Variants in HMCN2 observed in about 807,000 individuals in gnomAD.
HMCN2 encodes hemicentin 2.
In HMCN2, 325 loss-of-function variants were observed where a neutral mutation model predicts 377.5. The ratio of observed to expected loss-of-function variants is 0.86; its 90% CI spans 0.79 to 0.94. HMCN2 has a LOEUF of 0.94. HMCN2 is among the 40% of genes least tolerant of loss of function. HMCN2 has a pLI of 0.00. For synonymous variants in HMCN2, 2,007 were observed against 2,046.8 expected (o/e 0.98, Z 0.53); for missense variants, 4,543 against 4,725.3 (o/e 0.96, Z 1.13).
Position 130,418,871 on chromosome 9 carries a change from T to C in HMCN2, c.13061T>C (p.Ile4354Thr). Residue 4354 changes from isoleucine to threonine, a missense_variant, in exon 86 of 98, where the codon ATT becomes ACT. Coordinates refer to ENST00000683500, the MANE Select transcript of HMCN2 (RefSeq NM_001291815.2). ...CQATGEPTPT[I>T]EWLQAGQPLR... is the part of the protein sequence containing the mutation. ...GCCACTGGAGAGCCCACACCCACCATTGAATGGCTACAGGCGGGTCAACCC... is the reference window on the plus strand; with the variant it reads ...GCCACTGGAGAGCCCACACCCACCACTGAATGGCTACAGGCGGGTCAACCC... 5 of 1,549,722 alleles carry C rather than the reference T, an allele frequency of 3.2e-6. No individual in the cohort carries two copies. Among genetic ancestry groups the C allele is most frequent in the East Asian group, 2.4e-5 (1 of 40,892 alleles).
chr9:130,429,939 C>T (rs946473075), intron 94 of HMCN2: 42 of 670,434 alleles, frequency 6.3e-5, no homozygotes, highest in Non-Finnish European at 8.4e-5. Flanking sequence ...GGTCATCTTC[C>T]GGGGAATTTC....
At position 130,406,430 on chromosome 9, in the gene HMCN2, C is replaced by T. The variant is rs143757671; in HGVS notation, c.12553+262C>T. On this transcript the variant is annotated intron_variant, in intron 82 of 97. Coordinates refer to ENST00000683500, the MANE Select transcript of HMCN2 (RefSeq NM_001291815.2). ...AGACCTCAGGGCCAGGAAGGGGAGG[C>T]CTGTGTTCTAGTCCAGAGCTGCTGC... The T allele has an allele frequency of 2.1e-3, 709 of 343,552 alleles. 3 individuals carry two copies. The highest frequency in any genetic ancestry group is 0.014 in the African/African-American group (675 of 46,624). 21.3% of individuals were successfully genotyped at this position (343,552 alleles called of 1,614,324 possible).
At chr9:130,353,262 G>A in intron 31 of HMCN2, 57 bp downstream of exon 31, 2 of 1,275,740 alleles carry the variant, frequency 1.6e-6, no homozygotes, top group Non-Finnish European at 2.1e-6. Context: ...CTCAGCCATG[G>A]TGGCCCCTGC....
chr9:130,360,561 T>A lies in HMCN2; in HGVS notation c.5907T>A (p.Asn1969Lys), dbSNP rs1407779484. 1 of 1,304,190 alleles carries A rather than the reference T, an allele frequency of 7.7e-7. No homozygotes were observed. Among genetic ancestry groups the A allele is most frequent in the South Asian group, 1.2e-5 (1 of 81,028 alleles). The allele number at this position is 1,304,190 out of a possible 1,614,324, so 80.8% of individuals were successfully genotyped here. Residue 1969 changes from asparagine to lysine, a missense_variant, in exon 38 of 98, where the codon AAT (asparagine) becomes AAA (lysine). Physicochemically the swap from Asn to Lys is moderately conservative, Grantham distance 94. This residue lies in a region of HMCN2 where 1,032 missense variants were observed against 1,285.1 expected (regional missense o/e 0.80). Coordinates refer to ENST00000683500, the MANE Select transcript of HMCN2 (RefSeq NM_001291815.2). This position sits in a 1 kb window ranked among gnomAD's most constrained non-coding sequence, Gnocchi z 4.7. ...GGAGCTACCGCTGTGTGGCATCCAA[T>A]GTGGCAGGTAGCACAGAGCTGCGGT... Reference protein sequence around the residue: ...DAGSYRCVASNVAGSTELRYG... With the variant: ...DAGSYRCVASKVAGSTELRYG...
intron 36 of HMCN2, 84 bp downstream of exon 36, chr9:130,358,570 G>T: frequency 8.1e-7 from 1 of 1,234,694 alleles, no homozygotes. Context: ...TGTGTGGCGA[G>T]GGAGGGGGAG....
intron 7 of HMCN2, among the ~76,000 whole-genome samples, chr9:130,297,002 C>T (rs1836201624): frequency 6.6e-6 from 1 of 152,194 alleles, no homozygotes; most frequent in Admixed American, 6.5e-5. Flanking sequence ...CTAGCCCCAG[C>T]CCAAGTGACA....
chr9:130,324,067 G>A (rs1311204296), intron 19 of HMCN2, among the ~76,000 whole-genome samples: 2 of 152,184 alleles, frequency 1.3e-5, no homozygotes, highest in African/African-American at 2.4e-5. Flanking sequence ...GTTTAGGTGT[G>A]CAGTGGTGTT....
intron 22 of HMCN2, among the ~76,000 whole-genome samples, chr9:130,334,790 T>G (rs1156607653): frequency 6.8e-6 from 1 of 146,274 alleles, no homozygotes; most frequent in Non-Finnish European, 1.5e-5. Context: ...CCTCTTCCTC[T>G]CTCTCTCTCT....
In HMCN2 at chr9:130,423,862, A is replaced by G. The variant is rs1844159923; in HGVS notation, c.13382-914A>G. On this transcript the variant is annotated intron_variant, in intron 87 of 97. Coordinates refer to ENST00000683500, the MANE Select transcript of HMCN2 (RefSeq NM_001291815.2). The surrounding 1 kb of genome is among the most constrained non-coding windows in gnomAD (Gnocchi z 5.5). ...CAAGTTAGAAAAGTTGGTTCACTTC[A>G]ACTCAGCAAATATATAATGACAGTC... 6.6e-6 allele frequency among the ~76,000 whole-genome samples: 1 copy of G among 152,224 alleles called. No homozygotes were observed. Among genetic ancestry groups the G allele is most frequent in the African/African-American group, 2.4e-5 (1 of 41,444 alleles).
chr9:130,393,289 A>G lies in HMCN2; in HGVS notation c.10214A>G (p.Asn3405Ser). 1 of 988,598 alleles carries G rather than the reference A, an allele frequency of 1.0e-6. No individual in the cohort carries two copies. The allele number at this position is 988,598 out of a possible 1,614,324, so 61.2% of individuals were successfully genotyped here. ...AGCCCAGCTGGCGTGGCGGACAGGA[A>G]CTTCACCTTGCAGGTGCAGGGTATG... ...AASPAGVADR[N>S]FTLQVQVPPV... Residue 3405 changes from asparagine (N) to serine (S), a missense_variant, in exon 67 of 98, where the codon AAC becomes AGC. By Grantham distance (46) the Asn-to-Ser change is conservative (BLOSUM62 1). Around this residue, in one of 5 missense-constraint regions of HMCN2, gnomAD observed 1,073 missense variants for 1,319.5 expected, o/e 0.81. Coordinates refer to ENST00000683500, the MANE Select transcript of HMCN2 (RefSeq NM_001291815.2). This position sits in a 1 kb window ranked among gnomAD's most constrained non-coding sequence, Gnocchi z 5.2.
chr9:130,343,511 C>T (rs1219470086), intron 25 of HMCN2, among the ~76,000 whole-genome samples: 1 of 152,294 alleles, frequency 6.6e-6, no homozygotes, highest in Admixed American at 6.5e-5. Flanking sequence ...GCAGAGCTGC[C>T]GACCTGCCCA....
At chr9:130,395,152 C>T (rs1266846431) in intron 70 of HMCN2, 44 bp downstream of exon 70, 22 of 1,243,732 alleles carry the variant, frequency 1.8e-5, no homozygotes, top group East Asian at 5.7e-5. Flanking sequence ...GGAGGCAGGA[C>T]GGGCTCGCGG....
intron 81 of HMCN2, among the ~76,000 whole-genome samples, chr9:130,405,355 A>G (rs1009105961): frequency 2.0e-5 from 3 of 152,206 alleles, no homozygotes; most frequent in South Asian, 4.1e-4. Context: ...AAGTCTACCC[A>G]GTTGTTGTCA....
intron 1 of HMCN2, among the ~76,000 whole-genome samples, chr9:130,273,149 T>C (rs1243322578): frequency 1.3e-5 from 2 of 152,032 alleles, no homozygotes; most frequent in Non-Finnish European, 1.5e-5. Context: ...TTCCACCCTT[T>C]TTTTTTTAAA....
At chr9:130,403,399 C>T (rs1842947171) in intron 79 of HMCN2, 71 bp downstream of exon 79, 5 of 1,270,198 alleles carry the variant, frequency 3.9e-6, no homozygotes, top group South Asian at 3.8e-5. Context: ...GGGAGTCCTG[C>T]TTCCTGCCCT....
chr9:130,327,152 C>A (rs917912114), intron 21 of HMCN2, among the ~76,000 whole-genome samples, 158 bp from the exon 22 acceptor site: 18 of 152,022 alleles, frequency 1.2e-4, no homozygotes, highest in Non-Finnish European at 2.1e-4. Flanking sequence ...AATCTGGACT[C>A]CCCCCCTTCT....
chr9:130,386,557 G>T, intron 61 of HMCN2, 33 bp downstream of exon 61: 1 of 1,278,284 alleles, frequency 7.8e-7, no homozygotes. Flanking sequence ...CAACGTGACT[G>T]TGGAGCCCCT....
chr9:130,269,829 G>T (rs1275277591), intron 1 of HMCN2, among the ~76,000 whole-genome samples: 1 of 143,958 alleles, frequency 6.9e-6, no homozygotes, highest in Non-Finnish European at 1.6e-5. Flanking sequence ...TTTGTTTTTT[G>T]AGATGGAGTC....
At chr9:130,328,625 C>T (rs910265478) in intron 22 of HMCN2, among the ~76,000 whole-genome samples, 242 of 149,798 alleles carry the variant, frequency 1.6e-3, no homozygotes, top group Non-Finnish European at 2.7e-3. Context: ...GAGAGTTTAT[C>T]TAAATAAGGA....
Sources: gnomAD v4.1 joint callset for allele counts (sites outside exome capture counted in the v4.1 genomes callset) on GRCh38, gnomAD v4.1.1 for gene constraint, gnomAD v4.1.1 regional missense constraint, Gnocchi (gnomAD v3.1) non-coding constraint, MANE v1.5 for transcripts, NCBI Gene and HGNC (gene_info 2026-07-23, HGNC 2026-07-21) for gene names.